KL: variants seen among roughly 807,000 people sequenced by gnomAD.
KL encodes the protein alpha-klotho.
KL carries 62 observed loss-of-function variants against 84.2 expected under a neutral mutation model. That is an observed-to-expected ratio of 0.74 (90% CI 0.60 to 0.91). KL has a LOEUF of 0.91. KL is among the 40% of genes least tolerant of loss of function. The probability of loss-of-function intolerance (pLI) is 0.00; values close to 1 mark genes in which losing one functional copy is unlikely to be tolerated. For synonymous variants in KL, 528 were observed against 528.0 expected, an observed-to-expected ratio of 1.00 and a Z score of 0.00; for missense variants, 1,261 against 1,305.7, an observed-to-expected ratio of 0.97 and a Z score of 0.53.
At position 33,064,957 on chromosome 13, in the gene KL, C is replaced by T. The variant is rs886050123; in HGVS notation, c.*771C>T. 2.2e-4 allele frequency: 50 copies of T among 228,056 alleles called. No individual in the cohort carries two copies. The highest frequency in any genetic ancestry group is 3.7e-4 in the Non-Finnish European group (43 of 114,928). The allele number at this position is 228,056 out of a possible 1,614,324, so 14.1% of individuals were successfully genotyped here. ...AACATGAATCCTGTGATATTGGGCT[C>T]TTCAGGAAGCATAAAGCAATTGTGA... On this transcript the variant is annotated 3_prime_UTR_variant, in exon 5 of 5. Transcript: ENST00000380099.
At chr13:33,056,931 TC>T (rs1316898105) in intron 3 of KL, among the ~76,000 whole-genome samples, 1 of 152,158 alleles carries the variant, frequency 6.6e-6, no homozygotes, top group African/African-American at 2.4e-5. Flanking sequence ...TCTCCTTCTC[TC>T]CCAGCCTCCT....
intron 1 of KL, among the ~76,000 whole-genome samples, chr13:33,018,915 G>A (rs1053343781): frequency 2.6e-5 from 4 of 152,094 alleles, no homozygotes; most frequent in East Asian, 3.8e-4. Flanking sequence ...AAAGACTTGC[G>A]TGCTCTCTGG....
chr13:33,033,291 T>G (rs1399054635), intron 1 of KL, among the ~76,000 whole-genome samples: 1 of 152,190 alleles, frequency 6.6e-6, no homozygotes, highest in Non-Finnish European at 1.5e-5. Context: ...TGAAAAACCA[T>G]GTCATTTACA....
Position 33,016,602 on chromosome 13 carries a change from G to T in KL, c.162G>T (p.Ala54=). 2 of 1,514,876 alleles carry T rather than the reference G, an allele frequency of 1.3e-6. No homozygotes were observed. Among genetic ancestry groups the T allele is most frequent in the East Asian group, 5.0e-5 (2 of 39,998 alleles). 93.8% of individuals were successfully genotyped at this position (1,514,876 alleles called of 1,614,324 possible). A position where few individuals can be genotyped will look rare whatever the true frequency, so the allele number is the denominator to read the frequency against. ...RFSRPPAPEA[A]GLFQGTFPDG... is the part of the protein sequence containing the mutation. ...CGCGGCCTCCTGCCCCCGAGGCCGC[G>T]GGCCTCTTCCAGGGCACCTTCCCCG... is the stretch of plus-strand genomic sequence containing the variant. Residue 54 remains alanine (A), a synonymous_variant, in exon 1 of 5, where the codon GCG becomes GCT. Coordinates refer to ENST00000380099, the MANE Select transcript of KL (RefSeq NM_004795.4).
intron 1 of KL, among the ~76,000 whole-genome samples, chr13:33,049,595 GA>G (rs990519643): frequency 2.6e-5 from 4 of 152,128 alleles, no homozygotes; most frequent in Non-Finnish European, 5.9e-5. Flanking sequence ...AAGGAACTGG[GA>G]ATAGGCAAAA....
intron 1 of KL, among the ~76,000 whole-genome samples, chr13:33,017,461 A>AGT (rs1870413092): frequency 1.3e-5 from 2 of 152,194 alleles, no homozygotes; most frequent in Admixed American, 1.3e-4. Context: ...TGGGCACACG[A>AGT]GTGAGTGCCC....
Position 33,064,231 on chromosome 13 carries a change from A to G in KL, c.*45A>G. On this transcript the variant is annotated 3_prime_UTR_variant, in exon 5 of 5. Transcript: ENST00000380099. ...CATTCATTTTGAAATAATTATGCAG[A>G]CACATCAGCTGTTAACCATTTGCAC... 7.1e-7 allele frequency: 1 copy of G among 1,401,976 alleles called. No homozygotes were observed. The allele number at this position is 1,401,976 out of a possible 1,614,324, so 86.8% of individuals were successfully genotyped here.
chr13:33,040,753 AC>A (rs1351522119), intron 1 of KL, among the ~76,000 whole-genome samples: 1 of 152,172 alleles, frequency 6.6e-6, no homozygotes, highest in Non-Finnish European at 1.5e-5. Context: ...TGTCTCTCCA[AC>A]TTCAGCTTCA....
chr13:33,026,902 T>C (rs1370269845), intron 1 of KL, among the ~76,000 whole-genome samples: 3 of 152,186 alleles, frequency 2.0e-5, no homozygotes, highest in Admixed American at 2.0e-4. Flanking sequence ...CCAGCTTCTC[T>C]CTGCTTCTTG....
chr13:33,047,258 T>G (rs931217349), intron 1 of KL, among the ~76,000 whole-genome samples: 2 of 152,214 alleles, frequency 1.3e-5, no homozygotes, highest in Admixed American at 1.3e-4. Flanking sequence ...ATAATATGTC[T>G]CTTTCCATTC....
chr13:33,029,634 T>C (rs910969548), intron 1 of KL, among the ~76,000 whole-genome samples: 4 of 152,162 alleles, frequency 2.6e-5, no homozygotes, highest in African/African-American at 9.7e-5. Context: ...TATTTATTTA[T>C]TTATTTATTT....
chr13:33,064,172 A>G lies in KL; in HGVS notation c.3025A>G (p.Arg1009Gly). 1 of 1,602,554 alleles carries G rather than the reference A, an allele frequency of 6.2e-7. No individual in the cohort carries two copies. The highest frequency in any genetic ancestry group is 8.5e-7 in the Non-Finnish European group (1 of 1,170,280). The change falls in exon 5 of 5, where the codon AGA becomes GGA. Residue 1009 changes from arginine to glycine, a missense_variant. Coordinates refer to ENST00000380099, the MANE Select transcript of KL (RefSeq NM_004795.4). ...ATTTTACTACTCGAAGAAAGGCAGA[A>G]GAAGTTACAAATAGTTCTGAACATT... is the stretch of plus-strand genomic sequence containing the variant. ...LIFYYSKKGR[R>G]SYK
At chr13:33,033,888 T>TA (rs1182191361) in intron 1 of KL, among the ~76,000 whole-genome samples, 2 of 151,886 alleles carry the variant, frequency 1.3e-5, no homozygotes, top group Admixed American at 1.3e-4. Flanking sequence ...ATCATTTTTT[T>TA]AAAAAAGATA....
intron 1 of KL, among the ~76,000 whole-genome samples, chr13:33,034,606 A>G (rs1871092579): frequency 6.6e-6 from 1 of 151,186 alleles, no homozygotes; most frequent in Admixed American, 6.6e-5. Context: ...ACCTCACTCT[A>G]TTTCTTCATA....
Position 33,061,596 on chromosome 13 carries a change from C to G in KL, c.2517C>G (p.Leu839=). 1 of 1,614,210 alleles carries G rather than the reference C, an allele frequency of 6.2e-7. No individual in the cohort carries two copies. The highest frequency in any genetic ancestry group is 8.5e-7 in the Non-Finnish European group (1 of 1,180,044). Residue 839 remains leucine, a synonymous_variant, in exon 4 of 5, where the codon CTC becomes CTG. Transcript: ENST00000380099. Reference sequence around the variant, plus strand: ...AAGAAATGACCGACATCACGTGGCTCAACTCCCCCAGTCAGGTGGCGGTAG... The same window carrying G: ...AAGAAATGACCGACATCACGTGGCTGAACTCCCCCAGTCAGGTGGCGGTAG... ...EVQEMTDITW[L]NSPSQVAVVP... is the part of the protein sequence containing the mutation.
intron 1 of KL, among the ~76,000 whole-genome samples, chr13:33,033,397 C>T (rs113527335): frequency 2.2e-3 from 335 of 152,310 alleles, no homozygotes; most frequent in African/African-American, 7.7e-3. Flanking sequence ...CAGCAGTTAA[C>T]GCTGCAGTTC....
intron 1 of KL, among the ~76,000 whole-genome samples, chr13:33,023,046 A>C (rs955596206): frequency 6.6e-6 from 1 of 152,192 alleles, no homozygotes; most frequent in Non-Finnish European, 1.5e-5. Context: ...GTGGACAGGA[A>C]AAGAGAGGAA....
intron 1 of KL, among the ~76,000 whole-genome samples, chr13:33,038,702 G>T (rs1207362): frequency 0.28 from 42,943 of 151,968 alleles, 6,603 homozygotes; most frequent in East Asian, 0.52. Flanking sequence ...ATGACTGAAA[G>T]GTATAACAAT....
intron 1 of KL, among the ~76,000 whole-genome samples, chr13:33,043,682 A>T (rs1283116596): frequency 6.6e-6 from 1 of 152,178 alleles, no homozygotes; most frequent in East Asian, 1.9e-4. Context: ...TATTTTGCTC[A>T]TGGTGGGAAG....
Sources: gnomAD v4.1 joint callset for allele counts (sites outside exome capture counted in the v4.1 genomes callset) on GRCh38, gnomAD v4.1.1 for gene constraint, MANE v1.5 for transcripts, NCBI Gene and HGNC (gene_info 2026-07-23, HGNC 2026-07-21) for gene names.